CD2: variants seen among roughly 807,000 people sequenced by gnomAD.
CD2 encodes the protein T-cell surface antigen CD2.
A neutral mutation model predicts 23.2 loss-of-function variants in CD2; 18 were observed. That is an observed-to-expected ratio of 0.77 (90% confidence interval 0.54 to 1.15). The LOEUF (loss-of-function observed/expected upper bound fraction) is 1.15. Among genes scored for constraint, CD2 ranks in the 50% most tolerant of loss-of-function variants. The pLI is 0.00. For missense variants in CD2, 424 were observed against 423.1 expected, an observed-to-expected ratio of 1.00 and a Z score of -0.02; for synonymous variants, 162 against 151.9, an observed-to-expected ratio of 1.07 and a Z score of -0.49.
intron 2 of CD2, among the ~76,000 whole-genome samples, chr1:116,759,766 A>T (rs1651980036): frequency 6.6e-6 from 1 of 152,188 alleles, no homozygotes; most frequent in African/African-American, 2.4e-5. Flanking sequence ...GGCAGAATCA[A>T]GTCTCTGGTT....
chr1:116,759,048 A>G (rs1328446362), intron 2 of CD2, among the ~76,000 whole-genome samples: 3 of 152,184 alleles, frequency 2.0e-5, no homozygotes, highest in Non-Finnish European at 4.4e-5. Context: ...TTTTGCAACC[A>G]TCACCACAAT....
chr1:116,755,670 G>T (rs556744611), intron 2 of CD2, among the ~76,000 whole-genome samples: 33 of 152,192 alleles, frequency 2.2e-4, no homozygotes, highest in Non-Finnish European at 3.7e-4. Flanking sequence ...GGTATCATTA[G>T]GTTCTAAAGC....
chr1:116,755,585 C>G (rs1651816433), intron 2 of CD2, among the ~76,000 whole-genome samples: 1 of 152,102 alleles, frequency 6.6e-6, no homozygotes, highest in Admixed American at 6.5e-5. Context: ...GTTAGGGAGA[C>G]TAGTTAGAAA....
intron 2 of CD2, among the ~76,000 whole-genome samples, chr1:116,756,413 A>T (rs1172700954): frequency 6.6e-6 from 1 of 152,148 alleles, no homozygotes; most frequent in Non-Finnish European, 1.5e-5. Flanking sequence ...TCTTATTTAA[A>T]GCGCCCAACA....
intron 4 of CD2, among the ~76,000 whole-genome samples, chr1:116,767,187 T>A (rs1181534935): frequency 6.6e-6 from 1 of 152,206 alleles, no homozygotes; most frequent in African/African-American, 2.4e-5. Flanking sequence ...GATGCTCACA[T>A]TTCATGTAGT....
chr1:116,756,019 C>T (rs1262347212), intron 2 of CD2, among the ~76,000 whole-genome samples: 2 of 152,160 alleles, frequency 1.3e-5, no homozygotes, highest in Admixed American at 6.5e-5. Flanking sequence ...GGGACCCCAC[C>T]TTCTTCCTCT....
intron 3 of CD2, among the ~76,000 whole-genome samples, chr1:116,762,841 C>G (rs1652099589): frequency 6.6e-6 from 1 of 152,212 alleles, no homozygotes; most frequent in African/African-American, 2.4e-5. Context: ...GGGCACCACC[C>G]TGGACAAACT....
At chr1:116,762,429 A>G (rs1652083194) in intron 3 of CD2, among the ~76,000 whole-genome samples, 2 of 152,164 alleles carry the variant, frequency 1.3e-5, no homozygotes, top group Non-Finnish European at 2.9e-5. Flanking sequence ...TATGGTGCAG[A>G]GCAGAAGCTC....
At chr1:116,758,686 T>C (rs189276697) in intron 2 of CD2, among the ~76,000 whole-genome samples, 78 of 152,236 alleles carry the variant, frequency 5.1e-4, no homozygotes, top group African/African-American at 1.8e-3. Flanking sequence ...GAGCCCTACA[T>C]GGGGGACCAT....
chr1:116,762,724 A>G (rs1652095770), intron 3 of CD2, among the ~76,000 whole-genome samples: 1 of 152,234 alleles, frequency 6.6e-6, no homozygotes, highest in Admixed American at 6.5e-5. Flanking sequence ...GGAAGATAGT[A>G]TGCCTGGATT....
At chr1:116,755,661 G>T (rs1451342238) in intron 2 of CD2, among the ~76,000 whole-genome samples, 2 of 152,066 alleles carry the variant, frequency 1.3e-5, no homozygotes, top group Non-Finnish European at 1.5e-5. Flanking sequence ...TGCGGCCTGG[G>T]TATCATTAGG....
intron 3 of CD2, among the ~76,000 whole-genome samples, chr1:116,763,066 G>A (rs1441483128): frequency 6.6e-6 from 1 of 152,182 alleles, no homozygotes; most frequent in Non-Finnish European, 1.5e-5. Flanking sequence ...GGTATCTCCT[G>A]CCCCTCGTCC....
chr1:116,754,768 A>T lies in CD2; in HGVS notation c.199A>T (p.Lys67Ter). 1 of 1,613,684 alleles carries T rather than the reference A, an allele frequency of 6.2e-7. No individual in the cohort carries two copies. The highest frequency in any genetic ancestry group is 8.5e-7 in the Non-Finnish European group (1 of 1,179,834). The change falls in exon 2 of 5, where the codon AAG (lysine) becomes TAG (stop). Residue 67 changes from lysine (K) to a stop codon, truncating the protein, a stop_gained. Transcript: ENST00000369478. LOFTEE classifies it high-confidence loss of function. Reference sequence around the variant, plus strand: ...ATGGGAAAAAACTTCAGACAAGAAAAAGATTGCACAATTCAGAAAAGAGAA... The same window carrying T: ...ATGGGAAAAAACTTCAGACAAGAAATAGATTGCACAATTCAGAAAAGAGAA... ...IKWEKTSDKK[K>*]IAQFRKEKET...
Position 116,768,736 on chromosome 1 carries a change from C to T in CD2, c.1009C>T (p.Pro337Ser), listed in dbSNP as rs150484253. Reference protein sequence around the residue: ...PLPRPRVQPKPPHGAAENSLS... With the variant: ...PLPRPRVQPKSPHGAAENSLS... ...CCCCAGACCTCGAGTTCAGCCAAAA[C>T]CTCCCCATGGGGCAGCAGAAAACTC... Residue 337 changes from proline (P) to serine (S), a missense_variant, in exon 5 of 5, where the codon CCT becomes TCT. Physicochemically the swap from Pro to Ser is moderately conservative, Grantham distance 74. Transcript: ENST00000369478. 1.2e-6 allele frequency: 2 copies of T among 1,614,012 alleles called. No homozygotes were observed. The highest frequency in any genetic ancestry group is 1.7e-5 in the Admixed American group (1 of 59,998).
At chr1:116,757,101 AT>A (rs1651880381) in intron 2 of CD2, among the ~76,000 whole-genome samples, 1 of 150,296 alleles carries the variant, frequency 6.7e-6, no homozygotes, top group Admixed American at 6.7e-5. Context: ...GGTTCAAGCG[AT>A]TCTCCTGCCT....
At position 116,764,331 on chromosome 1, in the gene CD2, C is replaced by T. The variant is rs548352639; in HGVS notation, c.614-153C>T. The T allele has an allele frequency of 6.7e-5, 53 of 792,108 alleles. No homozygotes were observed. The South Asian group carries it at 2.5e-3, about 38-fold the overall frequency. 49.1% of individuals were successfully genotyped at this position (792,108 alleles called of 1,614,324 possible). On this transcript the variant is annotated intron_variant, in intron 3 of 4. Transcript: ENST00000369478. ...CCTTGGGTCCTTCCAGGGTTGACAC[C>T]ACTCACCACCCTCTGTGAGCCTGGG...
intron 2 of CD2, among the ~76,000 whole-genome samples, chr1:116,757,395 T>C (rs1345479482): frequency 6.6e-6 from 1 of 152,082 alleles, no homozygotes; most frequent in Non-Finnish European, 1.5e-5. Context: ...TAGAAGCAGA[T>C]GCTAGTAGGG....
At position 116,768,355 on chromosome 1, in the gene CD2, T is replaced by G. The variant is rs1255833136; in HGVS notation, c.737-109T>G. 7.8e-6 allele frequency: 8 copies of G among 1,030,028 alleles called. No individual in the cohort carries two copies. In the East Asian group the frequency reaches 2.1e-4, roughly 27 times the overall value. The allele number at this position is 1,030,028 out of a possible 1,614,324, so 63.8% of individuals were successfully genotyped here. ...AGTAGGGGCAACTTCTGCTTCCTCATTGCATCCCCCAAAGCAGCTAGCATG... is the reference window on the plus strand; with the variant it reads ...AGTAGGGGCAACTTCTGCTTCCTCAGTGCATCCCCCAAAGCAGCTAGCATG... On this transcript the variant is annotated intron_variant, in intron 4 of 4. Coordinates refer to ENST00000369478, the MANE Select transcript of CD2 (RefSeq NM_001767.5).
intron 3 of CD2, 133 bp from the exon 4 acceptor site, chr1:116,764,351 C>T: frequency 7.3e-7 from 1 of 1,377,322 alleles, no homozygotes; most frequent in Non-Finnish European, 9.7e-7. Flanking sequence ...CCTCTGTGAG[C>T]CTGGGAGTTA....
Sources: allele counts gnomAD v4.1 joint callset (sites outside exome capture counted in the v4.1 genomes callset), GRCh38; gene constraint gnomAD v4.1.1; transcripts MANE v1.5; gene names NCBI Gene and HGNC (gene_info 2026-07-23, HGNC 2026-07-21).